Variants in NKAIN2 observed in about 807,000 individuals in gnomAD.
NKAIN2 encodes the protein sodium/potassium-transporting ATPase subunit beta-1-interacting protein 2.
A neutral mutation model predicts 32.6 loss-of-function variants in NKAIN2; 14 were observed. That is an observed-to-expected ratio of 0.43 (90% CI 0.28 to 0.67). The LOEUF (loss-of-function observed/expected upper bound fraction) is 0.67, where lower values mean the gene tolerates loss of function less well. Ranked by LOEUF, NKAIN2 falls within the 30% of genes least tolerant of loss-of-function variation. The pLI is 0.17. For synonymous variants in NKAIN2, 80 were observed against 87.2 expected (o/e 0.92, Z 0.46); for missense variants, 198 against 258.3 (o/e 0.77, Z 1.60).
At chr6:123,948,276 TA>T (rs1777160678) in intron 1 of NKAIN2, among the ~76,000 whole-genome samples, 1 of 152,196 alleles carries the variant, frequency 6.6e-6, no homozygotes, top group East Asian at 1.9e-4. Flanking sequence ...TTCCATTGGA[TA>T]AAAATGAAGT....
intron 1 of NKAIN2, among the ~76,000 whole-genome samples, chr6:123,957,199 A>G (rs1015831097): frequency 1.3e-5 from 2 of 152,202 alleles, no homozygotes; most frequent in Non-Finnish European, 2.9e-5. Flanking sequence ...AAAGCACAGC[A>G]TAGTATACAA....
At chr6:124,633,085 CT>C (rs1425508517) in intron 3 of NKAIN2, among the ~76,000 whole-genome samples, 1 of 152,046 alleles carries the variant, frequency 6.6e-6, no homozygotes, top group Admixed American at 6.5e-5. Context: ...AAAAGAAATT[CT>C]GCAAAATACC....
intron 1 of NKAIN2, among the ~76,000 whole-genome samples, chr6:124,000,991 C>A (rs1582909010): frequency 6.6e-6 from 1 of 152,070 alleles, no homozygotes; most frequent in Non-Finnish European, 1.5e-5. Context: ...AGATCACCAA[C>A]ACTCACCACA....
intron 4 of NKAIN2, among the ~76,000 whole-genome samples, chr6:124,782,966 C>G (rs1779341134): frequency 6.6e-6 from 1 of 152,010 alleles, no homozygotes; most frequent in African/African-American, 2.4e-5. Flanking sequence ...TAAGGACTCC[C>G]CTATGGCTCT....
At chr6:124,087,711 G>A (rs111939880) in intron 1 of NKAIN2, among the ~76,000 whole-genome samples, 32 of 151,994 alleles carry the variant, frequency 2.1e-4, no homozygotes, top group African/African-American at 7.2e-4. Flanking sequence ...ATTCAATTGC[G>A]TATGTAATAG....
intron 1 of NKAIN2, among the ~76,000 whole-genome samples, chr6:124,227,750 T>C (rs1307260226): frequency 6.6e-6 from 1 of 152,134 alleles, no homozygotes; most frequent in Non-Finnish European, 1.5e-5. Context: ...GTATGACTTC[T>C]TAGCTTACAG....
At chr6:124,782,627 T>C (rs1779322479) in intron 4 of NKAIN2, among the ~76,000 whole-genome samples, 1 of 152,146 alleles carries the variant, frequency 6.6e-6, no homozygotes, top group African/African-American at 2.4e-5. Flanking sequence ...AATTTATTTT[T>C]ACAAATGCCT....
chr6:124,360,662 A>G (rs1474238175), intron 3 of NKAIN2, among the ~76,000 whole-genome samples: 2 of 152,182 alleles, frequency 1.3e-5, no homozygotes, highest in Non-Finnish European at 2.9e-5. Context: ...TAAATTAACA[A>G]AATGATGGGA....
At chr6:124,134,112 AC>A (rs1786612243) in intron 1 of NKAIN2, among the ~76,000 whole-genome samples, 2 of 125,826 alleles carry the variant, frequency 1.6e-5, no homozygotes, top group South Asian at 5.7e-4. Context: ...GTGAAAACCA[AC>A]TAAAAGAAAT....
intron 2 of NKAIN2, among the ~76,000 whole-genome samples, chr6:124,309,722 G>A (rs1048644792): frequency 3.3e-5 from 5 of 152,070 alleles, no homozygotes; most frequent in Non-Finnish European, 7.4e-5. Flanking sequence ...ATGTGATCCT[G>A]TAGATTCATT....
At chr6:124,213,041 T>A (rs1791270856) in intron 1 of NKAIN2, among the ~76,000 whole-genome samples, 1 of 152,186 alleles carries the variant, frequency 6.6e-6, no homozygotes, top group Admixed American at 6.6e-5. Context: ...CTTCTACCTG[T>A]AGGTCTTCTC....
At chr6:123,979,600 C>T (rs957027679) in intron 1 of NKAIN2, among the ~76,000 whole-genome samples, 10 of 152,054 alleles carry the variant, frequency 6.6e-5, no homozygotes, top group Admixed American at 6.6e-5. Context: ...TAAGAAGACC[C>T]GCACCTGACT....
At chr6:124,638,681 G>A (rs1029117149) in intron 3 of NKAIN2, among the ~76,000 whole-genome samples, 1 of 152,014 alleles carries the variant, frequency 6.6e-6, no homozygotes. Context: ...GGATCACAAG[G>A]TCAGGAGATC....
chr6:123,912,765 G>A (rs934845348), intron 1 of NKAIN2, among the ~76,000 whole-genome samples: 8 of 152,078 alleles, frequency 5.3e-5, no homozygotes, highest in Admixed American at 4.6e-4. Context: ...AGCCTGCAGG[G>A]GCACCAGCCA....
intron 4 of NKAIN2, among the ~76,000 whole-genome samples, chr6:124,698,513 A>G (rs1485241555): frequency 2.6e-5 from 4 of 152,320 alleles, no homozygotes; most frequent in Middle Eastern, 3.4e-3. Flanking sequence ...GGTATCATTA[A>G]GTAACATAAC....
intron 1 of NKAIN2, among the ~76,000 whole-genome samples, chr6:124,081,685 A>G (rs1423621793): frequency 6.6e-6 from 1 of 152,086 alleles, no homozygotes; most frequent in African/African-American, 2.4e-5. Context: ...AAAATATACT[A>G]TAGTGCTTAT....
intron 1 of NKAIN2, among the ~76,000 whole-genome samples, chr6:123,836,286 G>GA (rs1562209232): frequency 6.6e-6 from 1 of 152,028 alleles, no homozygotes; most frequent in South Asian, 2.1e-4. Context: ...TATGAAAAGG[G>GA]AAAAACAGAA....
intron 4 of NKAIN2, among the ~76,000 whole-genome samples, chr6:124,686,318 G>T (rs1013297260): frequency 2.6e-5 from 4 of 152,172 alleles, no homozygotes; most frequent in Admixed American, 1.3e-4. Flanking sequence ...AAGAAAAAAG[G>T]TTTAACTGGC....
intron 4 of NKAIN2, among the ~76,000 whole-genome samples, chr6:124,701,777 CT>C (rs1774806037): frequency 1.3e-5 from 2 of 152,092 alleles, no homozygotes; most frequent in African/African-American, 4.8e-5. Context: ...TTTGGAACTA[CT>C]TTTGGTCAGA....
Sources: allele counts gnomAD v4.1 joint callset (sites outside exome capture counted in the v4.1 genomes callset), GRCh38; gene constraint gnomAD v4.1.1; transcripts MANE v1.5; gene names NCBI Gene and HGNC (gene_info 2026-07-23, HGNC 2026-07-21).